The following BAIAP3 variants were observed in gnomAD, a reference collection of about 807,000 sequenced individuals.
BAIAP3 encodes the protein BAI1 associated protein 3.
In BAIAP3, 180 loss-of-function variants were observed where a neutral mutation model predicts 149.7. The observed-to-expected ratio is 1.20, with a 90% CI of 1.07 to 1.36. The LOEUF (loss-of-function observed/expected upper bound fraction) is 1.36, where lower values mean the gene tolerates loss of function less well. Among genes scored for constraint, BAIAP3 ranks in the 40% most tolerant of loss-of-function variants. The pLI is 0.00. For synonymous variants in BAIAP3, 845 were observed against 670.7 expected, an observed-to-expected ratio of 1.26 and a Z score of -4.02; for missense variants, 1,767 against 1,563.4, an observed-to-expected ratio of 1.13 and a Z score of -2.20.
At position 1,338,536 on chromosome 16, in the gene BAIAP3, G is replaced by A. The variant is rs1283905487; in HGVS notation, c.-10-4G>A. On this transcript the variant is annotated splice_polypyrimidine_tract_variant and splice_region_variant and intron_variant, in intron 1 of 33. Transcript: ENST00000426824. ...GAGGCTGCGGGCTGTGCTCTCTGCT[G>A]TAGGTCACCCGCCATGTCGACCTTG... The A allele has an allele frequency of 9.3e-6, 15 of 1,605,628 alleles. No individual in the cohort carries two copies. The highest frequency in any genetic ancestry group is 1.3e-5 in the Non-Finnish European group (15 of 1,177,892).
chr16:1,342,824 G>A lies in BAIAP3; in HGVS notation c.1161+10G>A, dbSNP rs779791564. ...GCACTCAGCAGAGGAGGTAGTGGGT[G>A]CGCCTAGGATTGGAACAGCCCGGCA... is the stretch of plus-strand genomic sequence containing the variant. On this transcript the variant is annotated intron_variant, in intron 13 of 33. Transcript: ENST00000426824. 1 of 1,612,632 alleles carries A rather than the reference G, an allele frequency of 6.2e-7. No individual in the cohort carries two copies. Among genetic ancestry groups the A allele is most frequent in the Non-Finnish European group, 8.5e-7 (1 of 1,179,990 alleles).
rs1340097895 is a variant in BAIAP3 at position 1,346,020 on chromosome 16, T to G, written c.2243T>G (p.Leu748Arg). ...GAGGCCACCCTCTTCTATACGGAGC[T>G]GCTTCGGAAGAAGGTGGACACTCAG... ...VCEATLFYTE[L>R]LRKKVDTQPG... Residue 748 changes from leucine to arginine, a missense_variant, in exon 24 of 34, where the codon CTG becomes CGG. Physicochemically the swap from Leu to Arg is moderately radical, Grantham distance 102. Transcript: ENST00000426824. The G allele has an allele frequency of 6.2e-7, 1 of 1,611,306 alleles. No homozygotes were observed. The highest frequency in any genetic ancestry group is 1.3e-5 in the African/African-American group (1 of 74,872).
At chr16:1,334,512 G>A in intron 1 of BAIAP3, 1 of 665,048 alleles carries the variant, frequency 1.5e-6, no homozygotes, top group Non-Finnish European at 2.6e-6. Context: ...GCAGACACGG[G>A]CGAGGGGAGG....
At chr16:1,346,577 A>G (rs991115088) in intron 26 of BAIAP3, 28 bp from the exon 27 acceptor site, 13 of 1,566,014 alleles carry the variant, frequency 8.3e-6, no homozygotes, top group Middle Eastern at 3.3e-4. Context: ...GTGCGGGGTA[A>G]GCCTGGCCTG....
chr16:1,338,817 A>T, intron 2 of BAIAP3, 85 bp from the exon 3 acceptor site: 1 of 1,592,280 alleles, frequency 6.3e-7, no homozygotes, highest in Non-Finnish European at 8.6e-7. Context: ...TGGATGTCAC[A>T]TGGCCCTTCC....
chr16:1,343,198 T>G (rs1369847908), intron 14 of BAIAP3, 182 bp downstream of exon 14: 5 of 1,075,022 alleles, frequency 4.7e-6, no homozygotes, highest in African/African-American at 1.6e-5. Context: ...TACGGGTAGG[T>G]GAGGCAGCGA....
Position 1,344,841 on chromosome 16 carries a change from G to A in BAIAP3, c.1801G>A (p.Glu601Lys). The A allele has an allele frequency of 6.2e-7, 1 of 1,613,774 alleles. No homozygotes were observed. Among genetic ancestry groups the A allele is most frequent in the Non-Finnish European group, 8.5e-7 (1 of 1,180,032 alleles). ...CTTCACCCTGACCTTCCGGCAGCTG[G>A]AGCGTCTGGTGAGGAGGGTCCCTGA... Reference protein sequence around the residue: ...DVFTLTFRQLERLVAEEAWVL... With the variant: ...DVFTLTFRQLKRLVAEEAWVL... Residue 601 changes from glutamate (E) to lysine (K), a missense_variant, in exon 20 of 34, where the codon GAG (glutamate) becomes AAG (lysine). Glu to Lys is a moderately conservative substitution (Grantham distance 56). Transcript: ENST00000426824.
chr16:1,346,780 G>A, intron 27 of BAIAP3, 67 bp from the exon 28 acceptor site: 2 of 1,529,054 alleles, frequency 1.3e-6, no homozygotes, highest in Middle Eastern at 4.4e-4. Flanking sequence ...ACTCCTCCAG[G>A]CCATTCTGCA....
rs1218568466 is a variant in BAIAP3, at chr16:1,343,242, T to C, written c.1266-151T>C. 4.8e-6 allele frequency: 6 copies of C among 1,261,718 alleles called. No homozygotes were observed. The Admixed American group carries it at 1.1e-4, about 24-fold the overall frequency. The allele number at this position is 1,261,718 out of a possible 1,614,324, so 78.2% of individuals were successfully genotyped here. A position where few individuals can be genotyped will look rare whatever the true frequency, so the allele number is the denominator to read the frequency against. ...GTGCCATGAGTAGGTACGGCAGCGCTAATTGGAGGGCAGGGAAAGGGGCAG... is the reference window on the plus strand; with the variant it reads ...GTGCCATGAGTAGGTACGGCAGCGCCAATTGGAGGGCAGGGAAAGGGGCAG... On this transcript the variant is annotated intron_variant, in intron 14 of 33. Coordinates refer to ENST00000426824, the MANE Select transcript of BAIAP3 (RefSeq NM_001199097.2).
At chr16:1,342,482 G>C in intron 11 of BAIAP3, 45 bp from the exon 12 acceptor site, 1 of 1,506,766 alleles carries the variant, frequency 6.6e-7, no homozygotes. Flanking sequence ...GTGTGGAAGG[G>C]GAGGGGGAGG....
At chr16:1,338,735 T>A in intron 2 of BAIAP3, 55 bp downstream of exon 2, 1 of 1,561,220 alleles carries the variant, frequency 6.4e-7, no homozygotes, top group Non-Finnish European at 8.7e-7. Flanking sequence ...CCCGCCAGAC[T>A]TCACACATGG....
intron 11 of BAIAP3, 121 bp from the exon 12 acceptor site, chr16:1,342,406 G>C: frequency 1.5e-6 from 2 of 1,364,922 alleles, no homozygotes; most frequent in Non-Finnish European, 2.0e-6. Flanking sequence ...GAGTGCGCTT[G>C]TCACCCTCAT....
intron 1 of BAIAP3, among the ~76,000 whole-genome samples, chr16:1,335,430 G>C (rs1372777592): frequency 6.6e-6 from 1 of 151,118 alleles, no homozygotes; most frequent in African/African-American, 2.4e-5. Flanking sequence ...GACTGGGAAG[G>C]AGTTACATCA....
intron 1 of BAIAP3, among the ~76,000 whole-genome samples, chr16:1,337,252 A>T (rs11864305): frequency 0.43 from 64,851 of 152,100 alleles, 14,941 homozygotes; most frequent in East Asian, 0.78. Context: ...GTGCTGGCTC[A>T]TGCCTGTAAT....
At chr16:1,335,721 TGCCAAGAC>T (rs1442709316) in intron 1 of BAIAP3, among the ~76,000 whole-genome samples, 1 of 152,146 alleles carries the variant, frequency 6.6e-6, no homozygotes, top group Non-Finnish European at 1.5e-5. Flanking sequence ...TGTACACCTG[TGCCAAGAC>T]GCCATTATTG....
chr16:1,344,408 C>T (rs1287540963), intron 17 of BAIAP3, 61 bp from the exon 18 acceptor site: 1 of 1,611,332 alleles, frequency 6.2e-7, no homozygotes, highest in Non-Finnish European at 8.5e-7. Context: ...ACCACGGTCT[C>T]TTGCCCACCT....
Position 1,340,983 on chromosome 16 carries a change from T to C in BAIAP3, c.468+2T>C. 5 of 1,598,282 alleles carry C rather than the reference T, an allele frequency of 3.1e-6. No homozygotes were observed. The highest frequency in any genetic ancestry group is 1.1e-5 in the South Asian group (1 of 89,382). On this transcript the variant is annotated splice_donor_variant, in intron 6 of 33. Transcript: ENST00000426824. LOFTEE classifies it high-confidence loss of function. ...ATCGAGCGAGTGAGGAAGGCCAAGG[T>C]GAGGCCGCCACTGCCTGGGCAGGCA...
At chr16:1,340,523 C>G (rs868472889) in intron 5 of BAIAP3, among the ~76,000 whole-genome samples, 1 of 151,386 alleles carries the variant, frequency 6.6e-6, no homozygotes, top group African/African-American at 2.4e-5. Context: ...TGCAGGTGCA[C>G]ACAGACACGC....
At position 1,344,020 on chromosome 16, in the gene BAIAP3, A is replaced by T; in HGVS notation, c.1387-2A>T. The T allele has an allele frequency of 6.2e-7, 1 of 1,612,172 alleles. No individual in the cohort carries two copies. ...TGGCACTGAAGGGCCCTGTCCCCAC[A>T]GGAGGAGAGCCTGGCTGATAGCCTT... is the stretch of plus-strand genomic sequence containing the variant. On this transcript the variant is annotated splice_acceptor_variant, in intron 15 of 33. Coordinates refer to ENST00000426824, the MANE Select transcript of BAIAP3 (RefSeq NM_001199097.2). LOFTEE classifies it high-confidence loss of function.
Sources: gnomAD v4.1 joint callset for allele counts (sites outside exome capture counted in the v4.1 genomes callset) on GRCh38, gnomAD v4.1.1 for gene constraint, MANE v1.5 for transcripts, NCBI Gene and HGNC (gene_info 2026-07-23, HGNC 2026-07-21) for gene names.